The following PRKN variants were observed in gnomAD, a reference collection of about 807,000 sequenced individuals.
PRKN encodes the protein E3 ubiquitin-protein ligase parkin.
PRKN carries 56 observed loss-of-function variants against 59.5 expected under a neutral mutation model. The observed-to-expected ratio is 0.94, with a 90% CI of 0.76 to 1.18. The LOEUF (loss-of-function observed/expected upper bound fraction) is 1.18, where lower values mean the gene tolerates loss of function less well. Among genes scored for constraint, PRKN ranks in the 50% most tolerant of loss-of-function variants. The pLI is 0.00. For synonymous variants in PRKN, 250 were observed against 222.1 expected (o/e 1.13, Z -1.12); for missense variants, 657 against 596.4 (o/e 1.10, Z -1.06).
chr6:162,195,345 T>C (rs1562572536), intron 4 of PRKN, among the ~76,000 whole-genome samples: 1 of 152,172 alleles, frequency 6.6e-6, no homozygotes, highest in Admixed American at 6.5e-5. Flanking sequence ...GAAAGTAAGC[T>C]TAGGTCTATT....
chr6:161,854,586 T>C (rs1343186800), intron 6 of PRKN, among the ~76,000 whole-genome samples: 1 of 152,116 alleles, frequency 6.6e-6, no homozygotes, highest in Non-Finnish European at 1.5e-5. Flanking sequence ...TGCACTTACA[T>C]ACAGTTATAC....
Position 161,935,873 on chromosome 6 carries a change from G to C in PRKN, c.734+37429C>G, listed in dbSNP as rs114895316. ...TGTACCCTAACTGAAGAGGAACAAT[G>C]ACTAACAGCACAAACAATAGCCAAT... On this transcript the variant is annotated intron_variant, in intron 6 of 11. Transcript: ENST00000366898. Among the ~76,000 whole-genome samples the C allele has an allele frequency of 4.5e-3, 690 of 152,234 alleles. 7 individuals are homozygous for C. Among genetic ancestry groups the C allele is most frequent in the African/African-American group, 0.016 (647 of 41,556 alleles).
At chr6:162,722,548 T>C (rs1260023096) in intron 1 of PRKN, among the ~76,000 whole-genome samples, 1 of 152,196 alleles carries the variant, frequency 6.6e-6, no homozygotes, top group Non-Finnish European at 1.5e-5. Flanking sequence ...GAATAAGCAC[T>C]GGGCTACAAT....
chr6:162,586,555 G>C (rs1176654377), intron 1 of PRKN, among the ~76,000 whole-genome samples: 2 of 152,132 alleles, frequency 1.3e-5, no homozygotes, highest in African/African-American at 4.8e-5. Context: ...AAGAGGTCCT[G>C]TGCCATCCTC....
At position 161,484,257 on chromosome 6, in the gene PRKN, C is replaced by T. The variant is rs187844807; in HGVS notation, c.1083+64597G>A. On this transcript the variant is annotated intron_variant, in intron 9 of 11. Transcript: ENST00000366898. This position sits in a 1 kb window ranked among gnomAD's most constrained non-coding sequence, Gnocchi z 4.9. ...TTAAAGAAAATTTCTGGGTTTTGCA[C>T]ATGGCCATTTTCTGAACTCCTATAA... Among the ~76,000 whole-genome samples, 8 of 152,268 alleles carry T rather than the reference C, an allele frequency of 5.3e-5. No individual in the cohort carries two copies. Among genetic ancestry groups the T allele is most frequent in the Admixed American group, 3.9e-4 (6 of 15,294 alleles).
chr6:162,000,445 T>A (rs1782009931), intron 5 of PRKN, among the ~76,000 whole-genome samples: 1 of 152,136 alleles, frequency 6.6e-6, no homozygotes, highest in Admixed American at 6.6e-5. Flanking sequence ...TTGCCATGTT[T>A]ATATCTTCCT....
chr6:162,391,145 C>T (rs1169541007), intron 2 of PRKN, among the ~76,000 whole-genome samples: 1 of 152,146 alleles, frequency 6.6e-6, no homozygotes, highest in East Asian at 1.9e-4. Context: ...TCTCGAAAAT[C>T]TGCAATGACT....
At chr6:161,867,755 T>TTATTTATTTATGTATTTATG (rs1237591149) in intron 6 of PRKN, among the ~76,000 whole-genome samples, 1 of 149,066 alleles carries the variant, frequency 6.7e-6, no homozygotes, top group African/African-American at 2.5e-5. Flanking sequence ...ATTTATTTAT[T>TTATTTATTTATGTATTTATG]TATTTATTTA....
chr6:161,453,945 T>C (rs532601960), intron 9 of PRKN, among the ~76,000 whole-genome samples: 1 of 152,192 alleles, frequency 6.6e-6, no homozygotes, highest in African/African-American at 2.4e-5. Flanking sequence ...ATTTTTTATT[T>C]AATGAGATGA....
chr6:162,716,320 A>G (rs189975231), intron 1 of PRKN, among the ~76,000 whole-genome samples: 1 of 152,342 alleles, frequency 6.6e-6, no homozygotes, highest in East Asian at 1.9e-4. Context: ...TCTGTGAGAA[A>G]TTACAAGATT....
rs141793186 is a variant in PRKN, at chr6:161,978,016, G to GTATTTTATTTTATTTTATTT, written c.619-4600_619-4599insAAATAAAATAAAATAAAATA. The stretch of plus-strand genomic sequence containing the variant: ...CAGGCTAATTTGCAGTTATTTTATT[G>GTATTTTATTTTATTTTATTT]TATTTTATTTTATTGTATTTTATTT... On this transcript the variant is annotated intron_variant, in intron 5 of 11. Transcript: ENST00000366898. Among the ~76,000 whole-genome samples, 103 of 148,598 alleles carry GTATTTTATTTTATTTTATTT rather than the reference G, an allele frequency of 6.9e-4. 1 individual carries two copies. Among genetic ancestry groups the GTATTTTATTTTATTTTATTT allele is most frequent in the African/African-American group, 2.6e-3 (99 of 38,768 alleles).
At chr6:161,688,300 G>A (rs933642908) in intron 7 of PRKN, among the ~76,000 whole-genome samples, 1 of 152,208 alleles carries the variant, frequency 6.6e-6, no homozygotes, top group African/African-American at 2.4e-5. Context: ...TCCGGAAGAA[G>A]TGGCAGCATA....
intron 3 of PRKN, among the ~76,000 whole-genome samples, chr6:162,210,153 G>A (rs1319138481): frequency 5.7e-5 from 5 of 87,510 alleles, no homozygotes; most frequent in Non-Finnish European, 1.1e-4. Context: ...CACCTCTCTG[G>A]AGCCATGACC....
intron 1 of PRKN, among the ~76,000 whole-genome samples, chr6:162,594,867 T>G (rs957473425): frequency 2.0e-5 from 3 of 152,206 alleles, no homozygotes; most frequent in Non-Finnish European, 4.4e-5. Flanking sequence ...ATTTTCTCTC[T>G]GAATAATCTT....
In PRKN at chr6:161,533,834, G is replaced by T. The variant is rs564505861; in HGVS notation, c.1083+15020C>A. ...ACTTAATTTTCTTGGCGTGAGATAA[G>T]GAACCCTGGGGATTTACCCTAGACT... is the stretch of plus-strand genomic sequence containing the variant. On this transcript the variant is annotated intron_variant, in intron 9 of 11. Coordinates refer to ENST00000366898, the MANE Select transcript of PRKN (RefSeq NM_004562.3). The surrounding 1 kb of genome is among the most constrained non-coding windows in gnomAD (Gnocchi z 4.1). Among the ~76,000 whole-genome samples the T allele has an allele frequency of 9.2e-3, 1,395 of 152,094 alleles. 18 individuals are homozygous for T. Among genetic ancestry groups the T allele is most frequent in the African/African-American group, 0.032 (1,332 of 41,474 alleles).
intron 7 of PRKN, among the ~76,000 whole-genome samples, chr6:161,679,674 A>ACCC (rs35685379): frequency 4.5e-5 from 3 of 65,948 alleles, no homozygotes; most frequent in Non-Finnish European, 7.8e-5. Flanking sequence ...TAATAGAACC[A>ACCC]CCCCCCCCCC....
chr6:161,789,175 T>C (rs1224384483), intron 6 of PRKN, among the ~76,000 whole-genome samples: 1 of 152,182 alleles, frequency 6.6e-6, no homozygotes, highest in African/African-American at 2.4e-5. Flanking sequence ...AAAAAGTTAT[T>C]AGATTAATCA....
chr6:161,948,776 C>A (rs1274273565), intron 6 of PRKN, among the ~76,000 whole-genome samples: 3 of 152,188 alleles, frequency 2.0e-5, no homozygotes, highest in African/African-American at 7.2e-5. Context: ...GGGACCCAGA[C>A]ACAGAGCCGT....
At chr6:162,541,482 G>GC (rs1394122558) in intron 1 of PRKN, among the ~76,000 whole-genome samples, 1 of 152,178 alleles carries the variant, frequency 6.6e-6, no homozygotes, top group African/African-American at 2.4e-5. Context: ...TGGCCCTGGG[G>GC]AGTTCTTGCA....
Sources: gnomAD v4.1 joint callset for allele counts (sites outside exome capture counted in the v4.1 genomes callset) on GRCh38, gnomAD v4.1.1 for gene constraint, Gnocchi (gnomAD v3.1) non-coding constraint, MANE v1.5 for transcripts, NCBI Gene and HGNC (gene_info 2026-07-23, HGNC 2026-07-21) for gene names.